Variants in ERAP2 observed in about 807,000 individuals in gnomAD.
ERAP2 encodes the protein endoplasmic reticulum aminopeptidase 2.
Under a neutral mutation model 111.1 loss-of-function variants are expected in ERAP2, and 118 were observed. The ratio of observed to expected loss-of-function variants is 1.06; its 90% CI spans 0.92 to 1.24. The LOEUF (loss-of-function observed/expected upper bound fraction) is 1.24, where lower values mean the gene tolerates loss of function less well. Among genes scored for constraint, ERAP2 ranks in the 50% most tolerant of loss-of-function variants. ERAP2 has a pLI of 0.00. For synonymous variants in ERAP2, 410 were observed against 401.2 expected (o/e 1.02, Z -0.26); for missense variants, 1,131 against 1,125.8 (o/e 1.00, Z -0.07).
At chr5:96,914,842 C>A (rs1787197398) in intron 17 of ERAP2, among the ~76,000 whole-genome samples, 1 of 151,978 alleles carries the variant, frequency 6.6e-6, no homozygotes, top group Non-Finnish European at 1.5e-5. Flanking sequence ...GCAAGAAGTG[C>A]AATACATTAG....
intron 1 of ERAP2, among the ~76,000 whole-genome samples, chr5:96,877,385 TCA>T (rs1168449368): frequency 6.6e-6 from 1 of 151,816 alleles, no homozygotes. Flanking sequence ...CTCTTATCAA[TCA>T]AGTACATCTC....
At chr5:96,892,008 T>C (rs952329258) in intron 5 of ERAP2, among the ~76,000 whole-genome samples, 1 of 152,190 alleles carries the variant, frequency 6.6e-6, no homozygotes, top group Admixed American at 6.5e-5. Flanking sequence ...TTCTTGGCAG[T>C]AAGGCACCCA....
chr5:96,882,047 G>A (rs1359930165), intron 2 of ERAP2, among the ~76,000 whole-genome samples: 1 of 152,108 alleles, frequency 6.6e-6, no homozygotes, highest in African/African-American at 2.4e-5. Context: ...GGTGCTCACT[G>A]CACAGCCTGC....
In ERAP2 at chr5:96,886,586, A is replaced by C. The variant is rs1014629796; in HGVS notation, c.715-69A>C. 9 of 1,348,586 alleles carry C rather than the reference A, an allele frequency of 6.7e-6. No homozygotes were observed. In the Admixed American group the frequency reaches 1.7e-4, roughly 26 times the overall value. 83.5% of individuals were successfully genotyped at this position (1,348,586 alleles called of 1,614,324 possible). Reference sequence around the variant, plus strand: ...GAGGCTTGCCTCTAACTCACCTGCCATAAGTCATAGGCATGGTTATGAAAT... The same window carrying C: ...GAGGCTTGCCTCTAACTCACCTGCCCTAAGTCATAGGCATGGTTATGAAAT... On this transcript the variant is annotated intron_variant, in intron 3 of 18. Coordinates refer to ENST00000437043, the MANE Select transcript of ERAP2 (RefSeq NM_022350.5).
chr5:96,917,387 C>T, intron 18 of ERAP2, 75 bp from the exon 19 acceptor site: 1 of 1,322,034 alleles, frequency 7.6e-7, no homozygotes, highest in Non-Finnish European at 1.0e-6. Flanking sequence ...TCCCGAAGTG[C>T]TGGGATTACA....
At position 96,895,233 on chromosome 5, in the gene ERAP2, T is replaced by G. The variant is rs757226222; in HGVS notation, c.1126-13T>G. On this transcript the variant is annotated splice_polypyrimidine_tract_variant and intron_variant, in intron 6 of 18. Transcript: ENST00000437043. ...TGTTTAACTTCTAATAATATTGAGT[T>G]TTTACCTCCTAGTGGTTTGGCAACC... 6 of 1,512,820 alleles carry G rather than the reference T, an allele frequency of 4.0e-6. No homozygotes were observed. The highest frequency in any genetic ancestry group is 5.5e-6 in the Non-Finnish European group (6 of 1,099,556). 93.7% of individuals were successfully genotyped at this position (1,512,820 alleles called of 1,614,324 possible). A position where few individuals can be genotyped will look rare whatever the true frequency, so the allele number is the denominator to read the frequency against.
intron 1 of ERAP2, among the ~76,000 whole-genome samples, chr5:96,878,421 T>C (rs181231908): frequency 1.3e-5 from 2 of 152,282 alleles, no homozygotes; most frequent in Admixed American, 1.3e-4. Flanking sequence ...TAATATCTGG[T>C]ATCCAAAGAA....
upstream of ERAP2, chr5:96,876,499 C>T (rs1307781358): frequency 1.3e-5 from 2 of 152,334 alleles, no homozygotes; most frequent in African/African-American, 4.8e-5. Context: ...AATTCCCCTT[C>T]AGTCAAATCT....
At chr5:96,883,962 G>C in intron 3 of ERAP2, 32 bp downstream of exon 3, 1 of 1,542,270 alleles carries the variant, frequency 6.5e-7, no homozygotes, top group Admixed American at 2.2e-5. Flanking sequence ...TTTAGAAATT[G>C]TTCTCAAGTT....
chr5:96,908,864 T>G lies in ERAP2; in HGVS notation c.2013-97T>G, dbSNP rs1181288568. ...GAATGGCCCAGCTATAATGACCTAC[T>G]TCTGTTATTGTTCTCTATTTCATAT... On this transcript the variant is annotated intron_variant, in intron 13 of 18. Coordinates refer to ENST00000437043, the MANE Select transcript of ERAP2 (RefSeq NM_022350.5). The G allele has an allele frequency of 4.7e-6, 6 of 1,268,024 alleles. No homozygotes were observed. In the East Asian group the frequency reaches 1.5e-4, roughly 32 times the overall value. 78.5% of individuals were successfully genotyped at this position (1,268,024 alleles called of 1,614,324 possible).
Position 96,886,814 on chromosome 5 carries a change from C to T in ERAP2, c.849+25C>T, listed in dbSNP as rs776525085. ...GGTGAGACTGAGTTCTAACGTTCTA[C>T]GCAGTGCAGAAAAGTGTCCTGAGAG... On this transcript the variant is annotated intron_variant, in intron 4 of 18. Transcript: ENST00000437043. 23 of 1,418,100 alleles carry T rather than the reference C, an allele frequency of 1.6e-5. No homozygotes were observed. In the Admixed American group the frequency reaches 2.6e-4, roughly 16 times the overall value. 87.8% of individuals were successfully genotyped at this position (1,418,100 alleles called of 1,614,324 possible).
intron 2 of ERAP2, 60 bp downstream of exon 2, chr5:96,880,320 T>G: frequency 1.4e-6 from 2 of 1,442,364 alleles, no homozygotes; most frequent in Non-Finnish European, 1.9e-6. Flanking sequence ...GAGTTACATC[T>G]CTTTGCCAGG....
chr5:96,888,918 T>C (rs1053359739), intron 4 of ERAP2, among the ~76,000 whole-genome samples: 2 of 152,322 alleles, frequency 1.3e-5, no homozygotes, highest in South Asian at 2.1e-4. Flanking sequence ...TGGATTATGA[T>C]ACAATGGGTT....
chr5:96,903,318 G>A, intron 12 of ERAP2, 59 bp from the exon 13 acceptor site: 1 of 1,307,304 alleles, frequency 7.6e-7, no homozygotes. Context: ...AACAGTTCTG[G>A]AGATGTTCTG....
chr5:96,914,613 G>A (rs949629415), intron 17 of ERAP2, among the ~76,000 whole-genome samples: 13 of 152,194 alleles, frequency 8.5e-5, no homozygotes, highest in African/African-American at 2.9e-4. Context: ...CCAACCATGT[G>A]CAGAGCCTAG....
At chr5:96,886,145 T>C (rs1387105137) in intron 3 of ERAP2, among the ~76,000 whole-genome samples, 1 of 152,236 alleles carries the variant, frequency 6.6e-6, no homozygotes, top group Admixed American at 6.5e-5. Context: ...TCAGAGTCTC[T>C]GTTTCCTCAC....
At position 96,885,120 on chromosome 5, in the gene ERAP2, G is replaced by A. The variant is rs544904289; in HGVS notation, c.714+1190G>A. On this transcript the variant is annotated intron_variant, in intron 3 of 18. Transcript: ENST00000437043. The stretch of plus-strand genomic sequence containing the variant: ...CTGGTGGGGATAAACCATAGCAAAC[G>A]CCCATTTGCCTCCGAACCATCTCTG... Among the ~76,000 whole-genome samples, 20 of 152,266 alleles carry A rather than the reference G, an allele frequency of 1.3e-4. No individual in the cohort carries two copies. The South Asian group carries it at 1.5e-3, about 11-fold the overall frequency.
chr5:96,899,756 T>C lies in ERAP2; in HGVS notation c.1504-365T>C, dbSNP rs533180986. Among the ~76,000 whole-genome samples the C allele has an allele frequency of 1.9e-4, 29 of 152,298 alleles. No individual in the cohort carries two copies. In the South Asian group the frequency reaches 6.0e-3, roughly 32 times the overall value. ...ACAGTACTAGACAGAGTTGCCTACA[T>C]GCTAAATAGGGGCATACATAACATG... On this transcript the variant is annotated intron_variant, in intron 9 of 18. Coordinates refer to ENST00000437043, the MANE Select transcript of ERAP2 (RefSeq NM_022350.5).
chr5:96,900,153 A>G lies in ERAP2; in HGVS notation c.1536A>G (p.Gly512=). 6.2e-7 allele frequency: 1 copy of G among 1,613,896 alleles called. No homozygotes were observed. The highest frequency in any genetic ancestry group is 8.5e-7 in the Non-Finnish European group (1 of 1,179,842). Residue 512 remains glycine (G), a synonymous_variant, in exon 10 of 19, where the codon GGA becomes GGG. Coordinates refer to ENST00000437043, the MANE Select transcript of ERAP2 (RefSeq NM_022350.5). ...TAGAAAGTGATTTTACATCTGGTGGAGTTTGTCATTCGGATCCCAAGATGA... is the reference window on the plus strand; with the variant it reads ...TAGAAAGTGATTTTACATCTGGTGGGGTTTGTCATTCGGATCCCAAGATGA... The part of the protein sequence containing the change: ...SCLESDFTSG[G]VCHSDPKMTS...
Sources: gnomAD v4.1 joint callset for allele counts (sites outside exome capture counted in the v4.1 genomes callset) on GRCh38, gnomAD v4.1.1 for gene constraint, MANE v1.5 for transcripts, NCBI Gene and HGNC (gene_info 2026-07-23, HGNC 2026-07-21) for gene names.